Variants in ALCAM observed in about 807,000 individuals in gnomAD.
ALCAM encodes the protein CD166 antigen.
ALCAM carries 30 observed loss-of-function variants against 70.9 expected under a neutral mutation model. The ratio of observed to expected loss-of-function variants is 0.42; its 90% CI spans 0.32 to 0.57. The LOEUF is 0.57. ALCAM is among the 20% of genes least tolerant of loss of function. The pLI is 0.11. For missense variants in ALCAM, 591 were observed against 695.1 expected, an observed-to-expected ratio of 0.85 and a Z score of 1.68; for synonymous variants, 249 against 242.5, an observed-to-expected ratio of 1.03 and a Z score of -0.25.
intron 1 of ALCAM, among the ~76,000 whole-genome samples, chr3:105,389,192 A>G (rs1576127281): frequency 6.6e-6 from 1 of 151,334 alleles, no homozygotes; most frequent in South Asian, 2.1e-4. Flanking sequence ...AAGAGGAAAA[A>G]ATTTCTGTTA....
At chr3:105,438,318 CTATTA>C (rs1937096081) in intron 1 of ALCAM, among the ~76,000 whole-genome samples, 1 of 152,080 alleles carries the variant, frequency 6.6e-6, no homozygotes, top group African/African-American at 2.4e-5. Context: ...CTGACATAAT[CTATTA>C]TTCATAATTC....
chr3:105,369,422 G>T (rs192740909), intron 1 of ALCAM, among the ~76,000 whole-genome samples: 120 of 152,328 alleles, frequency 7.9e-4, no homozygotes, highest in African/African-American at 2.9e-3. Flanking sequence ...CAGCCACCGT[G>T]AATCTGAGGA....
intron 1 of ALCAM, among the ~76,000 whole-genome samples, chr3:105,443,254 A>G (rs1937218201): frequency 6.6e-6 from 1 of 152,184 alleles, no homozygotes; most frequent in Non-Finnish European, 1.5e-5. Context: ...TCAAGAAGAC[A>G]TGCCTATATT....
At chr3:105,569,228 G>A (rs62262969) in intron 14 of ALCAM, among the ~76,000 whole-genome samples, 18,113 of 151,460 alleles carry the variant, frequency 0.12, 1,439 homozygotes, top group Non-Finnish European at 0.18. Flanking sequence ...AAAAGAGAAA[G>A]CAAAAGGAGA....
chr3:105,535,330 C>A (rs573208487), intron 6 of ALCAM, among the ~76,000 whole-genome samples: 86 of 152,232 alleles, frequency 5.6e-4, no homozygotes, highest in African/African-American at 2.0e-3. Flanking sequence ...GTCATCTGTT[C>A]TAACTTCATT....
At chr3:105,481,432 T>G (rs1938269338) in intron 1 of ALCAM, among the ~76,000 whole-genome samples, 1 of 152,202 alleles carries the variant, frequency 6.6e-6, no homozygotes, top group African/African-American at 2.4e-5. Context: ...AATTGATGGC[T>G]TATTTTTTAA....
chr3:105,497,631 A>G (rs575800512), intron 1 of ALCAM, among the ~76,000 whole-genome samples: 1 of 152,300 alleles, frequency 6.6e-6, no homozygotes, highest in Admixed American at 6.5e-5. Context: ...TGTCATGGTA[A>G]GTGCATTCAT....
At chr3:105,374,908 T>C (rs146397723) in intron 1 of ALCAM, among the ~76,000 whole-genome samples, 94 of 152,344 alleles carry the variant, frequency 6.2e-4, no homozygotes, top group African/African-American at 2.1e-3. Flanking sequence ...ATTGCTCTTA[T>C]GTATACCAAT....
chr3:105,477,106 T>A (rs896329318), intron 1 of ALCAM, among the ~76,000 whole-genome samples: 1 of 152,092 alleles, frequency 6.6e-6, no homozygotes, highest in Non-Finnish European at 1.5e-5. Context: ...TTAAGTCCAA[T>A]TAAACCTCTT....
intron 1 of ALCAM, among the ~76,000 whole-genome samples, chr3:105,384,427 T>C (rs1351357458): frequency 6.6e-6 from 1 of 151,542 alleles, no homozygotes; most frequent in East Asian, 1.9e-4. Flanking sequence ...TTATAAGCTT[T>C]GTTTTATTTC....
Position 105,565,516 on chromosome 3 carries a change from T to C in ALCAM, c.1665-6336T>C, listed in dbSNP as rs185672344. ...TCTCTTTCTATTATTATTATACTAATGTTTTCCTCTAAATTCTTATAAACT... is the reference window on the plus strand; with the variant it reads ...TCTCTTTCTATTATTATTATACTAACGTTTTCCTCTAAATTCTTATAAACT... On this transcript the variant is annotated intron_variant, in intron 14 of 15. Coordinates refer to ENST00000306107, the MANE Select transcript of ALCAM (RefSeq NM_001627.4). Among the ~76,000 whole-genome samples the C allele has an allele frequency of 2.0e-5, 3 of 152,358 alleles. No homozygotes were observed. The East Asian group carries it at 5.8e-4, about 29-fold the overall frequency.
intron 1 of ALCAM, among the ~76,000 whole-genome samples, chr3:105,494,124 T>G (rs1938668577): frequency 6.6e-6 from 1 of 152,152 alleles, no homozygotes; most frequent in South Asian, 2.1e-4. Flanking sequence ...CTTTACTAAC[T>G]GCATGCTGAA....
intron 1 of ALCAM, among the ~76,000 whole-genome samples, chr3:105,464,325 T>G (rs1367478503): frequency 6.6e-6 from 1 of 151,138 alleles, no homozygotes; most frequent in Non-Finnish European, 1.5e-5. Context: ...AGATAAAATT[T>G]CTATATACAA....
rs566395475 is a variant in ALCAM, at chr3:105,532,033, A to G, written c.426A>G (p.Lys142=). 9 of 1,613,512 alleles carry G rather than the reference A, an allele frequency of 5.6e-6. No individual in the cohort carries two copies. The African/African-American group carries it at 8.0e-5, about 14-fold the overall frequency. Residue 142 remains lysine (K), a synonymous_variant, in exon 4 of 16, where the codon AAA becomes AAG. Transcript: ENST00000306107. ...CATCTAAACCTGAAATTGTAAGCAA[A>G]GCACTGTTTCTCGAAACAGAGCAGC... ...KQPSKPEIVS[K]ALFLETEQLK...
chr3:105,487,899 G>C (rs1938475623), intron 1 of ALCAM, among the ~76,000 whole-genome samples: 1 of 152,134 alleles, frequency 6.6e-6, no homozygotes, highest in South Asian at 2.1e-4. Flanking sequence ...TTCCTAGATT[G>C]AGCTACTGTT....
rs183465380 is a variant in ALCAM at position 105,465,653 on chromosome 3, T to C, written c.74-54414T>C. Among the ~76,000 whole-genome samples the C allele has an allele frequency of 4.6e-5, 7 of 151,596 alleles. No homozygotes were observed. In the East Asian group the frequency reaches 9.7e-4, roughly 21 times the overall value. On this transcript the variant is annotated intron_variant, in intron 1 of 15. Transcript: ENST00000306107. The stretch of plus-strand genomic sequence containing the variant: ...ACTTGTTTACTTGAATCTATCAAGG[T>C]TGATAATCCTCAGCAAGTTTAGGAA...
intron 1 of ALCAM, among the ~76,000 whole-genome samples, chr3:105,428,944 G>C (rs972406788): frequency 6.6e-6 from 1 of 151,660 alleles, no homozygotes; most frequent in Non-Finnish European, 1.5e-5. Context: ...ATCATATTGG[G>C]CACAAAAGAA....
chr3:105,423,217 G>A (rs972828689), intron 1 of ALCAM, among the ~76,000 whole-genome samples: 4 of 150,972 alleles, frequency 2.6e-5, no homozygotes, highest in African/African-American at 9.7e-5. Flanking sequence ...TAATATCCTT[G>A]GTTCTTTGAG....
intron 14 of ALCAM, among the ~76,000 whole-genome samples, chr3:105,571,334 G>A (rs1191865159): frequency 2.0e-5 from 3 of 152,132 alleles, no homozygotes; most frequent in East Asian, 1.9e-4. Context: ...TTCTGTTGTC[G>A]ATGTTCTATC....
Sources: gnomAD v4.1 joint callset for allele counts (sites outside exome capture counted in the v4.1 genomes callset) on GRCh38, gnomAD v4.1.1 for gene constraint, MANE v1.5 for transcripts, NCBI Gene and HGNC (gene_info 2026-07-23, HGNC 2026-07-21) for gene names.